Variants in PDE4D observed in about 807,000 individuals in gnomAD.
PDE4D encodes the protein 3',5'-cyclic-AMP phosphodiesterase 4D.
A neutral mutation model predicts 87.4 loss-of-function variants in PDE4D; 24 were observed. That is an observed-to-expected ratio of 0.27 (90% CI 0.20 to 0.39). The LOEUF is 0.39. Among genes scored for constraint, PDE4D ranks in the 10% least tolerant of loss-of-function variants. The pLI is 1.00. For synonymous variants in PDE4D, 384 were observed against 383.2 expected, an observed-to-expected ratio of 1.00 and a Z score of -0.02; for missense variants, 714 against 1,041.0, an observed-to-expected ratio of 0.69 and a Z score of 4.32.
chr5:60,103,066 A>C (rs1776404045), intron 2 of PDE4D, among the ~76,000 whole-genome samples: 1 of 152,158 alleles, frequency 6.6e-6, no homozygotes, highest in Non-Finnish European at 1.5e-5. Flanking sequence ...AAATTCTCAG[A>C]GAAACTTTGC....
chr5:59,775,590 TC>T (rs546695950), intron 1 of PDE4D, among the ~76,000 whole-genome samples: 3 of 152,264 alleles, frequency 2.0e-5, no homozygotes, highest in Admixed American at 1.3e-4. Flanking sequence ...ATTTTCAAAC[TC>T]CCCAAAATTG....
chr5:59,244,621 T>C (rs747600961), intron 1 of PDE4D, among the ~76,000 whole-genome samples: 6 of 149,642 alleles, frequency 4.0e-5, no homozygotes, highest in Non-Finnish European at 8.9e-5. Context: ...CACATACATG[T>C]ATGTACATTT....
At chr5:59,094,081 G>A (rs570270225) in intron 5 of PDE4D, among the ~76,000 whole-genome samples, 161 of 151,870 alleles carry the variant, frequency 1.1e-3, no homozygotes, top group African/African-American at 3.8e-3. Flanking sequence ...AGCTGGGTGT[G>A]GTGGCATGCT....
At chr5:60,329,756 T>A (rs1757152545) in intron 1 of PDE4D, among the ~76,000 whole-genome samples, 1 of 152,202 alleles carries the variant, frequency 6.6e-6, no homozygotes, top group South Asian at 2.1e-4. Flanking sequence ...CTCTTTACTG[T>A]GCCCACTCTC....
intron 2 of PDE4D, among the ~76,000 whole-genome samples, chr5:60,126,174 A>G (rs1022606938): frequency 1.3e-5 from 2 of 151,750 alleles, no homozygotes; most frequent in Non-Finnish European, 2.9e-5. Flanking sequence ...TGCATCTATC[A>G]GATCATCCAG....
rs1748490669 is a variant in PDE4D, at chr5:59,875,690, C to G, written c.455+17478G>C. Among the ~76,000 whole-genome samples, 8 of 152,106 alleles carry G rather than the reference C, an allele frequency of 5.3e-5. No individual in the cohort carries two copies. The South Asian group carries it at 1.7e-3, about 32-fold the overall frequency. ...TTCCTAGTAACTTCCAACCAATCCA[C>G]ACTATTCTCTCAATTCTTCTGAGTT... On this transcript the variant is annotated intron_variant, in intron 1 of 14. Coordinates refer to ENST00000340635, the MANE Select transcript of PDE4D (RefSeq NM_001104631.2).
chr5:59,574,092 A>ATT (rs1251595837), intron 1 of PDE4D, among the ~76,000 whole-genome samples: 1 of 2,678 alleles, frequency 3.7e-4, no homozygotes, highest in African/African-American at 9.7e-4. Flanking sequence ...ATTTATATAT[A>ATT]TAAATATATA....
chr5:59,524,068 T>C (rs1812666263), intron 1 of PDE4D, among the ~76,000 whole-genome samples: 1 of 152,126 alleles, frequency 6.6e-6, no homozygotes, highest in Non-Finnish European at 1.5e-5. Flanking sequence ...ATTAGTACAG[T>C]CAGTTGGTAC....
chr5:59,862,127 G>A (rs1342939551), intron 1 of PDE4D, among the ~76,000 whole-genome samples: 1 of 152,042 alleles, frequency 6.6e-6, no homozygotes, highest in Admixed American at 6.6e-5. Flanking sequence ...GAGTGTTAAT[G>A]CCTAACTGGC....
At chr5:60,419,169 A>G (rs574771537) in intron 1 of PDE4D, among the ~76,000 whole-genome samples, 1 of 152,304 alleles carries the variant, frequency 6.6e-6, no homozygotes, top group Non-Finnish European at 1.5e-5. Flanking sequence ...ACTGGCATAT[A>G]CCAAATGGTT....
At chr5:60,161,853 C>CAA (rs1342737095) in intron 2 of PDE4D, among the ~76,000 whole-genome samples, 2 of 152,242 alleles carry the variant, frequency 1.3e-5, no homozygotes, top group Admixed American at 1.3e-4. Context: ...CATTCACTTA[C>CAA]CACTATCCCT....
At chr5:59,258,109 C>T (rs756078034) in intron 1 of PDE4D, among the ~76,000 whole-genome samples, 50 of 151,960 alleles carry the variant, frequency 3.3e-4, no homozygotes, top group Non-Finnish European at 4.6e-4. Flanking sequence ...AAAAGATAGC[C>T]TTTCTGCTCC....
intron 1 of PDE4D, among the ~76,000 whole-genome samples, chr5:59,285,427 T>C (rs1397287474): frequency 6.6e-6 from 1 of 152,122 alleles, no homozygotes; most frequent in Non-Finnish European, 1.5e-5. Context: ...GTCTTGCCTC[T>C]TTCTTGTTTT....
At chr5:59,271,491 G>T (rs1763841786) in intron 1 of PDE4D, among the ~76,000 whole-genome samples, 1 of 152,052 alleles carries the variant, frequency 6.6e-6, no homozygotes, top group Admixed American at 6.6e-5. Context: ...ACATATTAAT[G>T]TTATTCCATC....
intron 1 of PDE4D, among the ~76,000 whole-genome samples, chr5:59,810,215 C>G (rs535636790): frequency 2.0e-5 from 3 of 152,304 alleles, no homozygotes; most frequent in African/African-American, 7.2e-5. Flanking sequence ...GGCGGGCCGC[C>G]TAACACAAAG....
intron 1 of PDE4D, among the ~76,000 whole-genome samples, chr5:59,243,065 G>A (rs1028718604): frequency 6.6e-5 from 10 of 152,170 alleles, no homozygotes; most frequent in Non-Finnish European, 7.4e-5. Flanking sequence ...TGTCTGAGCA[G>A]TATGAATTTC....
At chr5:59,536,916 C>T (rs377184620) in intron 1 of PDE4D, among the ~76,000 whole-genome samples, 1 of 152,080 alleles carries the variant, frequency 6.6e-6, no homozygotes, top group African/African-American at 2.4e-5. Flanking sequence ...CATAGTATGA[C>T]AAATATATAC....
At chr5:58,997,303 T>G (rs1749444086) in intron 6 of PDE4D, among the ~76,000 whole-genome samples, 1 of 152,066 alleles carries the variant, frequency 6.6e-6, no homozygotes, top group Admixed American at 6.6e-5. Context: ...TTGGAGTGCA[T>G]AGCTAGATGT....
chr5:60,416,611 G>A (rs547513849), intron 1 of PDE4D, among the ~76,000 whole-genome samples: 3 of 151,822 alleles, frequency 2.0e-5, no homozygotes, highest in African/African-American at 4.8e-5. Context: ...GAACACATCC[G>A]AACATCAGAA....
Sources: gnomAD v4.1 joint callset for allele counts (sites outside exome capture counted in the v4.1 genomes callset) on GRCh38, gnomAD v4.1.1 for gene constraint, MANE v1.5 for transcripts, NCBI Gene and HGNC (gene_info 2026-07-23, HGNC 2026-07-21) for gene names.